ADGRL3: variants seen among roughly 807,000 people sequenced by gnomAD.
The protein encoded by ADGRL3 is adhesion G protein-coupled receptor L3.
ADGRL3 carries 62 observed loss-of-function variants against 153.5 expected under a neutral mutation model. The ratio of observed to expected loss-of-function variants is 0.40; its 90% confidence interval spans 0.33 to 0.50. The LOEUF (loss-of-function observed/expected upper bound fraction) is 0.50. ADGRL3 is among the 20% of genes least tolerant of loss of function. The probability of loss-of-function intolerance (pLI) is 0.47; values close to 1 mark genes in which losing one functional copy is unlikely to be tolerated. For synonymous variants in ADGRL3, 710 were observed against 672.5 expected, an observed-to-expected ratio of 1.06 and a Z score of -0.86; for missense variants, 1,641 against 1,859.4, an observed-to-expected ratio of 0.88 and a Z score of 2.16.
At chr4:61,636,306 G>A (rs2093421540) in intron 5 of ADGRL3, among the ~76,000 whole-genome samples, 1 of 152,028 alleles carries the variant, frequency 6.6e-6, no homozygotes, top group South Asian at 2.1e-4. Flanking sequence ...TAGAATCAGA[G>A]GTAGACATAC....
At chr4:61,676,786 G>A (rs1350964709) in intron 5 of ADGRL3, 40 bp from the exon 6 acceptor site, 1 of 1,310,242 alleles carries the variant, frequency 7.6e-7, no homozygotes. Context: ...ATTTAACTTT[G>A]CATAAGCTTA....
At chr4:61,360,574 GGT>G in intron 1 of ADGRL3, among the ~76,000 whole-genome samples, 1 of 152,094 alleles carries the variant, frequency 6.6e-6, no homozygotes, top group Non-Finnish European at 1.5e-5. Flanking sequence ...AATCTTTCAT[GGT>G]AGTTTAAAAA....
chr4:61,341,094 A>T (rs1464949917), intron 1 of ADGRL3, among the ~76,000 whole-genome samples: 1 of 151,992 alleles, frequency 6.6e-6, no homozygotes, highest in Non-Finnish European at 1.5e-5. Context: ...TAACATATAT[A>T]TATAGACACA....
At chr4:61,456,720 TG>T (rs2152555438) in intron 2 of ADGRL3, among the ~76,000 whole-genome samples, 1 of 151,548 alleles carries the variant, frequency 6.6e-6, no homozygotes, top group Non-Finnish European at 1.5e-5. Context: ...TTAAATGCTG[TG>T]TTTTGAGGTG....
At chr4:61,868,603 TATA>T (rs1373109012) in intron 9 of ADGRL3, among the ~76,000 whole-genome samples, 9 of 152,182 alleles carry the variant, frequency 5.9e-5, no homozygotes, top group Non-Finnish European at 1.2e-4. Context: ...TACTGTTGAT[TATA>T]ATAACAACCT....
At chr4:61,776,683 T>A (rs185664883) in intron 8 of ADGRL3, among the ~76,000 whole-genome samples, 2 of 152,272 alleles carry the variant, frequency 1.3e-5, no homozygotes, top group African/African-American at 4.8e-5. Flanking sequence ...TTTATAGTAT[T>A]GTAATAACAT....
At chr4:61,396,020 G>A (rs556622544) in intron 2 of ADGRL3, among the ~76,000 whole-genome samples, 1 of 152,068 alleles carries the variant, frequency 6.6e-6, no homozygotes, top group African/African-American at 2.4e-5. Flanking sequence ...GAGACCATAA[G>A]TTGGGAAAAC....
intron 1 of ADGRL3, among the ~76,000 whole-genome samples, chr4:61,251,793 T>C (rs1427603564): frequency 2.0e-5 from 3 of 147,284 alleles, no homozygotes; most frequent in Non-Finnish European, 4.5e-5. Context: ...TTTTTTTTTT[T>C]CAGTTTAAAA....
At chr4:61,648,641 TCTAA>T (rs2094134618) in intron 5 of ADGRL3, among the ~76,000 whole-genome samples, 1 of 151,988 alleles carries the variant, frequency 6.6e-6, no homozygotes, top group African/African-American at 2.4e-5. Context: ...GCTTCTATTC[TCTAA>T]CTAGAGGAGA....
chr4:61,460,195 AT>A (rs1254398031), intron 2 of ADGRL3, among the ~76,000 whole-genome samples: 1 of 151,782 alleles, frequency 6.6e-6, no homozygotes, highest in Non-Finnish European at 1.5e-5. Flanking sequence ...TCATCTAGTA[AT>A]TTTATAGTTT....
intron 1 of ADGRL3, among the ~76,000 whole-genome samples, chr4:61,346,605 G>T (rs1208122689): frequency 3.0e-5 from 3 of 101,036 alleles, no homozygotes; most frequent in Non-Finnish European, 4.5e-5. Context: ...CTTTACAAAA[G>T]AAAAATAGAA....
chr4:61,774,488 T>C (rs185008130), intron 8 of ADGRL3, among the ~76,000 whole-genome samples: 2 of 152,114 alleles, frequency 1.3e-5, no homozygotes, highest in African/African-American at 4.8e-5. Flanking sequence ...ATATTTACAT[T>C]GTATTAGTGA....
chr4:61,807,520 A>T (rs1273231969), intron 8 of ADGRL3, among the ~76,000 whole-genome samples: 1 of 152,114 alleles, frequency 6.6e-6, no homozygotes, highest in Non-Finnish European at 1.5e-5. Flanking sequence ...ATCTGTGAGT[A>T]CTTGAAATTT....
intron 1 of ADGRL3, among the ~76,000 whole-genome samples, chr4:61,362,934 C>A (rs1403443785): frequency 6.6e-6 from 1 of 152,038 alleles, no homozygotes; most frequent in Non-Finnish European, 1.5e-5. Flanking sequence ...GTTTTCAAAG[C>A]TTTGTATAGC....
chr4:61,438,847 A>G (rs1050001171), intron 2 of ADGRL3, among the ~76,000 whole-genome samples: 1 of 151,608 alleles, frequency 6.6e-6, no homozygotes, highest in African/African-American at 2.4e-5. Flanking sequence ...AGCTGAGACT[A>G]CAGGCGCCCG....
At chr4:61,707,782 C>G (rs961304221) in intron 6 of ADGRL3, among the ~76,000 whole-genome samples, 3 of 152,104 alleles carry the variant, frequency 2.0e-5, no homozygotes, top group Non-Finnish European at 2.9e-5. Flanking sequence ...CAGCATGCTT[C>G]CACGATATGT....
chr4:61,219,976 C>G (rs1176732062), intron 1 of ADGRL3, among the ~76,000 whole-genome samples: 1 of 151,854 alleles, frequency 6.6e-6, no homozygotes, highest in African/African-American at 2.4e-5. Context: ...GGCGTGGTGG[C>G]GGGCGCCTGT....
rs200189450 is a variant in ADGRL3 at position 61,468,318 on chromosome 4, C to CT, written c.-173-28797dup. Among the ~76,000 whole-genome samples, 859 of 152,208 alleles carry CT rather than the reference C, an allele frequency of 5.6e-3. 6 individuals carry two copies. Among genetic ancestry groups the CT allele is most frequent in the African/African-American group, 0.019 (803 of 41,550 alleles). On this transcript the variant is annotated intron_variant, in intron 2 of 26. Transcript: ENST00000683033. ...TAAATACCAGGTAGCTCAGCTTCAG[C>CT]TTTTTTCCTGACTTTGTGGGTTTGG... is the stretch of plus-strand genomic sequence containing the variant.
intron 8 of ADGRL3, among the ~76,000 whole-genome samples, chr4:61,779,216 C>T (rs1480192622): frequency 1.3e-5 from 2 of 151,878 alleles, no homozygotes; most frequent in African/African-American, 4.8e-5. Context: ...ATAATCAAAC[C>T]TATGTGCATA....
Sources: gnomAD v4.1 joint callset for allele counts (sites outside exome capture counted in the v4.1 genomes callset) on GRCh38, gnomAD v4.1.1 for gene constraint, MANE v1.5 for transcripts, NCBI Gene and HGNC (gene_info 2026-07-23, HGNC 2026-07-21) for gene names.